The following COL19A1 variants were observed in gnomAD, a reference collection of about 807,000 sequenced individuals.
COL19A1 encodes collagen type XIX alpha 1 chain.
COL19A1 carries 159 observed loss-of-function variants against 190.2 expected under a neutral mutation model. That is an observed-to-expected ratio of 0.84 (90% CI 0.73 to 0.95). The LOEUF is 0.95. Among genes scored for constraint, COL19A1 ranks in the 40% least tolerant of loss-of-function variants. COL19A1 has a pLI of 0.00. For missense variants in COL19A1, 1,418 were observed against 1,431.9 expected, an observed-to-expected ratio of 0.99 and a Z score of 0.16; for synonymous variants, 509 against 458.9, an observed-to-expected ratio of 1.11 and a Z score of -1.39.
intron 15 of COL19A1, among the ~76,000 whole-genome samples, chr6:70,080,230 G>A (rs1782161360): frequency 6.6e-6 from 1 of 152,070 alleles, no homozygotes; most frequent in Admixed American, 6.6e-5. Flanking sequence ...TTGTTTTCAG[G>A]CCAATAGATA....
chr6:70,151,414 G>A lies in COL19A1; in HGVS notation c.2055G>A (p.Leu685=), dbSNP rs1402314505. The change falls in exon 31 of 51, where the codon TTG becomes TTA. Residue 685 remains leucine, a synonymous_variant. Transcript: ENST00000620364. ...PPGDPIALPL[L]GDIGALLKNF... The stretch of plus-strand genomic sequence containing the variant: ...AACCACAGATTGCACTTCCTCTCTT[G>A]GGAGACATCGGTGCTTTGCTCAAGG... The A allele has an allele frequency of 6.2e-7, 1 of 1,612,620 alleles. No individual in the cohort carries two copies. Among genetic ancestry groups the A allele is most frequent in the Non-Finnish European group, 8.5e-7 (1 of 1,179,090 alleles).
intron 41 of COL19A1, among the ~76,000 whole-genome samples, 167 bp from the exon 42 acceptor site, chr6:70,176,353 T>C (rs2150280088): frequency 6.6e-6 from 1 of 152,150 alleles, no homozygotes; most frequent in South Asian, 2.1e-4. Flanking sequence ...GCTACTCAGT[T>C]TGCTATTTTT....
intron 11 of COL19A1, among the ~76,000 whole-genome samples, chr6:70,005,734 G>T (rs1025423460): frequency 6.6e-6 from 1 of 152,190 alleles, no homozygotes; most frequent in Admixed American, 6.5e-5. Context: ...GGGCTGCCCA[G>T]ATTCCTCAGA....
At chr6:70,111,242 GCAGT>G (rs1378058134) in intron 16 of COL19A1, among the ~76,000 whole-genome samples, 52 of 152,208 alleles carry the variant, frequency 3.4e-4, no homozygotes, top group African/African-American at 1.9e-4. Context: ...CTCAATTTTT[GCAGT>G]CAGTTTTCTC....
At chr6:70,168,296 C>A in intron 39 of COL19A1, 81 bp downstream of exon 39, 1 of 1,435,562 alleles carries the variant, frequency 7.0e-7, no homozygotes, top group South Asian at 1.3e-5. Context: ...CTCTTAAGTT[C>A]ACTGAAAAAC....
Position 70,207,204 on chromosome 6 carries a change from G to A in COL19A1, c.3359G>A (p.Ser1120Asn). 6.2e-7 allele frequency: 1 copy of A among 1,613,938 alleles called. No individual in the cohort carries two copies. Among genetic ancestry groups the A allele is most frequent in the Non-Finnish European group, 8.5e-7 (1 of 1,179,900 alleles). The change falls in exon 51 of 51, where the codon AGT (serine) becomes AAT (asparagine). Residue 1120 changes from serine to asparagine, a missense_variant. Coordinates refer to ENST00000620364, the MANE Select transcript of COL19A1 (RefSeq NM_001858.6). The part of the protein sequence containing the change: ...APGPQGPPGP[S>N]GRCNPEDCLY... Reference sequence around the variant, plus strand: ...GGCCCACAGGGCCCCCCAGGACCCAGTGGAAGATGTAACCCAGAAGATTGC... The same window carrying A: ...GGCCCACAGGGCCCCCCAGGACCCAATGGAAGATGTAACCCAGAAGATTGC...
intron 6 of COL19A1, among the ~76,000 whole-genome samples, chr6:69,929,938 A>G (rs904434590): frequency 6.6e-6 from 1 of 152,198 alleles, no homozygotes; most frequent in Non-Finnish European, 1.5e-5. Context: ...AATTTAAAAT[A>G]ATTAGGTCAT....
At chr6:69,895,091 A>G (rs1472584703) in intron 2 of COL19A1, among the ~76,000 whole-genome samples, 3 of 152,204 alleles carry the variant, frequency 2.0e-5, no homozygotes, top group Non-Finnish European at 2.9e-5. Flanking sequence ...GGGAAGAGGA[A>G]GGCTGTGGCA....
intron 7 of COL19A1, 73 bp downstream of exon 7, chr6:69,932,936 C>A: frequency 1.0e-6 from 1 of 989,470 alleles, no homozygotes; most frequent in East Asian, 2.6e-5. Flanking sequence ...TTGTAGAGTC[C>A]AAATGTAGGG....
intron 16 of COL19A1, among the ~76,000 whole-genome samples, chr6:70,103,816 A>G (rs1233960113): frequency 3.3e-5 from 5 of 152,190 alleles, no homozygotes; most frequent in Non-Finnish European, 7.3e-5. Context: ...CTGTCTGACC[A>G]CTGCACTGTG....
intron 11 of COL19A1, among the ~76,000 whole-genome samples, chr6:69,978,898 G>T (rs1410888813): frequency 6.6e-6 from 1 of 151,610 alleles, no homozygotes; most frequent in Middle Eastern, 3.2e-3. Context: ...AAAAAAAAAT[G>T]ACCACAGATA....
intron 34 of COL19A1, among the ~76,000 whole-genome samples, chr6:70,160,334 G>A (rs1400471890): frequency 6.6e-6 from 1 of 152,018 alleles, no homozygotes; most frequent in African/African-American, 2.4e-5. Flanking sequence ...TCACTATCAT[G>A]AGAACAGCAT....
intron 6 of COL19A1, among the ~76,000 whole-genome samples, chr6:69,931,534 TA>T (rs1240143499): frequency 6.6e-6 from 1 of 152,130 alleles, no homozygotes; most frequent in Non-Finnish European, 1.5e-5. Context: ...ACAGTGATAA[TA>T]AAAAAGTTTA....
rs1277129971 is a variant in COL19A1, at chr6:70,023,624, T to A, written c.1027-3T>A. On this transcript the variant is annotated splice_polypyrimidine_tract_variant and splice_region_variant and intron_variant, in intron 11 of 50. Coordinates refer to ENST00000620364, the MANE Select transcript of COL19A1 (RefSeq NM_001858.6). ...TTTCATTGTATAAATTGTTTCTTTT[T>A]AGGGTGAACAAGGAGAAAAAGGAGA... 1 of 1,606,370 alleles carries A rather than the reference T, an allele frequency of 6.2e-7. No individual in the cohort carries two copies. The highest frequency in any genetic ancestry group is 2.2e-5 in the East Asian group (1 of 44,788).
chr6:69,897,460 C>G (rs1769865628), intron 2 of COL19A1, among the ~76,000 whole-genome samples: 1 of 75,792 alleles, frequency 1.3e-5, no homozygotes, highest in Non-Finnish European at 2.5e-5. Context: ...GTCAGTTTTA[C>G]ACACACACAC....
intron 16 of COL19A1, among the ~76,000 whole-genome samples, chr6:70,119,884 A>G (rs1042008589): frequency 6.6e-6 from 1 of 152,184 alleles, no homozygotes; most frequent in Non-Finnish European, 1.5e-5. Flanking sequence ...TGAGGTCAGG[A>G]GTTCAAGACC....
chr6:70,078,913 A>G (rs1782063384), intron 15 of COL19A1, among the ~76,000 whole-genome samples: 1 of 152,080 alleles, frequency 6.6e-6, no homozygotes, highest in South Asian at 2.1e-4. Flanking sequence ...CTAAAAATAC[A>G]AAAATTAGCT....
chr6:70,141,694 A>G lies in COL19A1; in HGVS notation c.1483-199A>G, dbSNP rs553746198. 3.3e-5 allele frequency among the ~76,000 whole-genome samples: 5 copies of G among 152,224 alleles called. 1 individual carries two copies. In the South Asian group the frequency reaches 1.0e-3, roughly 32 times the overall value. On this transcript the variant is annotated intron_variant, in intron 20 of 50. Coordinates refer to ENST00000620364, the MANE Select transcript of COL19A1 (RefSeq NM_001858.6). ...ATTGGGGGAAAAATTATTATAATGA[A>G]GAAATCAAGAAAGTATTATTTATTA...
At chr6:70,082,454 C>T (rs989736763) in intron 15 of COL19A1, among the ~76,000 whole-genome samples, 1 of 152,020 alleles carries the variant, frequency 6.6e-6, no homozygotes, top group Admixed American at 6.5e-5. Flanking sequence ...TCTGTCTTCC[C>T]CAGGCTGGAG....
Sources: gnomAD v4.1 joint callset for allele counts (sites outside exome capture counted in the v4.1 genomes callset) on GRCh38, gnomAD v4.1.1 for gene constraint, MANE v1.5 for transcripts, NCBI Gene and HGNC (gene_info 2026-07-23, HGNC 2026-07-21) for gene names.